Variants in CBL observed in about 807,000 individuals in gnomAD.
CBL encodes E3 ubiquitin-protein ligase CBL.
CBL carries 45 observed loss-of-function variants against 96.9 expected under a neutral mutation model. The observed-to-expected ratio is 0.46, with a 90% CI of 0.37 to 0.60. The LOEUF is 0.60. CBL is among the 20% of genes least tolerant of loss of function. The pLI is 0.00. For synonymous variants in CBL, 420 were observed against 426.8 expected, an observed-to-expected ratio of 0.98 and a Z score of 0.20; for missense variants, 1,024 against 1,143.5, an observed-to-expected ratio of 0.90 and a Z score of 1.51.
intron 1 of CBL, among the ~76,000 whole-genome samples, chr11:119,230,971 T>C (rs1949497634): frequency 6.6e-6 from 1 of 152,224 alleles, no homozygotes; most frequent in South Asian, 2.1e-4. Flanking sequence ...ACTTAAAACA[T>C]AACTCAGAAA....
At chr11:119,244,325 A>T (rs1203099621) in intron 2 of CBL, among the ~76,000 whole-genome samples, 1 of 152,196 alleles carries the variant, frequency 6.6e-6, no homozygotes, top group African/African-American at 2.4e-5. Context: ...TAATTATGAA[A>T]ACCTGATAAT....
rs185345524 is a variant in CBL at position 119,212,130 on chromosome 11, G to T, written c.195+5518G>T. Among the ~76,000 whole-genome samples, 219 of 151,830 alleles carry T rather than the reference G, an allele frequency of 1.4e-3. 4 individuals are homozygous for T. In the East Asian group the frequency reaches 0.042, roughly 29 times the overall value. On this transcript the variant is annotated intron_variant, in intron 1 of 15. Coordinates refer to ENST00000264033, the MANE Select transcript of CBL (RefSeq NM_005188.4). ...GATGGGGTTTCTCCATGTTGGGCAG[G>T]CTGGTCTCGAACTCCTGACCTCAGG... is the stretch of plus-strand genomic sequence containing the variant.
chr11:119,298,368 T>G lies in CBL; in HGVS notation c.2262T>G (p.Asn754Lys), dbSNP rs148139669. ...ITESSTFGEG[N>K]LAAAHANTGP... is the part of the protein sequence containing the mutation. ...CTCATTTTTCTCCAGGTGAAGGGAA[T>G]TTGGCCGCAGCCCATGCCAACACTG... The change falls in exon 15 of 16, where the codon AAT becomes AAG. Residue 754 changes from asparagine to lysine, a missense_variant. By Grantham distance (94) the Asn-to-Lys change is moderately conservative (BLOSUM62 0). Transcript: ENST00000264033. 93 of 1,613,996 alleles carry G rather than the reference T, an allele frequency of 5.8e-5. No homozygotes were observed. The highest frequency in any genetic ancestry group is 7.6e-5 in the Non-Finnish European group (90 of 1,179,974).
At chr11:119,265,556 G>A (rs1949795651) in intron 2 of CBL, among the ~76,000 whole-genome samples, 1 of 152,148 alleles carries the variant, frequency 6.6e-6, no homozygotes, top group African/African-American at 2.4e-5. Context: ...TTGGAGACCA[G>A]CCTGGGCAAT....
At chr11:119,299,445 A>T (rs780420226) in intron 15 of CBL, 50 bp from the exon 16 acceptor site, 1 of 1,530,726 alleles carries the variant, frequency 6.5e-7, no homozygotes, top group South Asian at 1.1e-5. Flanking sequence ...GCTGTTGTTA[A>T]ATGAGGATTT....
chr11:119,220,033 A>G (rs1949395776), intron 1 of CBL, among the ~76,000 whole-genome samples: 1 of 152,046 alleles, frequency 6.6e-6, no homozygotes. Flanking sequence ...TATTTTTAGT[A>G]GAGGCGGGGT....
At chr11:119,228,070 T>C (rs79927465) in intron 1 of CBL, among the ~76,000 whole-genome samples, 1 of 152,106 alleles carries the variant, frequency 6.6e-6, no homozygotes, top group Non-Finnish European at 1.5e-5. Flanking sequence ...TTTTTTTTTT[T>C]CCTATTCTAG....
intron 12 of CBL, 40 bp downstream of exon 12, chr11:119,287,986 T>TACTA (rs776089711): frequency 4.8e-5 from 67 of 1,398,016 alleles, no homozygotes; most frequent in Non-Finnish European, 2.0e-6. Context: ...GTGGAGTTGT[T>TACTA]ACTTGTAAAA....
At chr11:119,277,270 C>CACACACACACACACAT (rs993033451) in intron 6 of CBL, among the ~76,000 whole-genome samples, 3 of 151,578 alleles carry the variant, frequency 2.0e-5, no homozygotes, top group African/African-American at 7.3e-5. Context: ...CACACACACA[C>CACACACACACACACAT]ATAAAGAATT....
intron 2 of CBL, among the ~76,000 whole-genome samples, chr11:119,268,360 A>G (rs1949819285): frequency 6.6e-6 from 1 of 152,232 alleles, no homozygotes; most frequent in African/African-American, 2.4e-5. Flanking sequence ...CAACAAATTG[A>G]CTAGTCAGAT....
intron 1 of CBL, among the ~76,000 whole-genome samples, chr11:119,212,437 C>T (rs1417601657): frequency 2.0e-5 from 3 of 150,326 alleles, no homozygotes; most frequent in Non-Finnish European, 3.0e-5. Flanking sequence ...ACCAGCCTGA[C>T]CAACATGGAG....
At position 119,285,454 on chromosome 11, in the gene CBL, C is replaced by T; in HGVS notation, c.1829C>T (p.Thr610Ile). 1 of 1,614,186 alleles carries T rather than the reference C, an allele frequency of 6.2e-7. No homozygotes were observed. The highest frequency in any genetic ancestry group is 8.5e-7 in the Non-Finnish European group (1 of 1,180,032). ...GCCCCAAGTTCCAGTGATCCCTGGA[C>T]AGGAAGAGAATTAACCAACCGGCAC... ...VSAPSSSDPW[T>I]GRELTNRHSL... Residue 610 changes from threonine (T) to isoleucine (I), a missense_variant, in exon 11 of 16, where the codon ACA becomes ATA. This residue lies in a region of CBL where 695 missense variants were observed against 661.6 expected (regional missense o/e 1.05). Coordinates refer to ENST00000264033, the MANE Select transcript of CBL (RefSeq NM_005188.4).
At chr11:119,254,688 G>A (rs1156946985) in intron 2 of CBL, among the ~76,000 whole-genome samples, 1 of 151,658 alleles carries the variant, frequency 6.6e-6, no homozygotes. Flanking sequence ...GGCAGCCTCC[G>A]CCTCCCAGGT....
In CBL at chr11:119,300,767, A is replaced by C. The variant is rs886047776; in HGVS notation, c.*986A>C. The C allele has an allele frequency of 8.4e-5, 33 of 391,744 alleles. No homozygotes were observed. The highest frequency in any genetic ancestry group is 2.3e-5 in the Non-Finnish European group (5 of 221,962). The allele number at this position is 391,744 out of a possible 1,614,324, so 24.3% of individuals were successfully genotyped here. ...TGGTGCCAGGTATGTGTTCTGATGT[A>C]GGTCATGAGTCTTTCTACTTAATGG... On this transcript the variant is annotated 3_prime_UTR_variant, in exon 16 of 16. Coordinates refer to ENST00000264033, the MANE Select transcript of CBL (RefSeq NM_005188.4).
chr11:119,284,848 A>G (rs1357622496), intron 9 of CBL, 121 bp from the exon 10 acceptor site: 1 of 1,204,816 alleles, frequency 8.3e-7, no homozygotes, highest in Non-Finnish European at 1.2e-6. Context: ...CCTCAAACCT[A>G]GGTCTGGCCC....
chr11:119,209,191 G>A (rs1949297901), intron 1 of CBL, among the ~76,000 whole-genome samples: 2 of 152,236 alleles, frequency 1.3e-5, no homozygotes, highest in South Asian at 4.1e-4. Context: ...TGAGCATAAG[G>A]TGTCCTCTTT....
intron 2 of CBL, among the ~76,000 whole-genome samples, chr11:119,268,386 A>C (rs1949819417): frequency 1.3e-5 from 2 of 152,256 alleles, no homozygotes; most frequent in African/African-American, 4.8e-5. Context: ...GAACAAGGTA[A>C]ATGAAAGAAG....
intron 2 of CBL, among the ~76,000 whole-genome samples, chr11:119,259,219 A>G (rs184544115): frequency 1.3e-5 from 2 of 152,118 alleles, no homozygotes; most frequent in Non-Finnish European, 2.9e-5. Flanking sequence ...ATGTGATGAT[A>G]TTATTGGCAA....
intron 2 of CBL, among the ~76,000 whole-genome samples, chr11:119,254,861 C>G (rs1399463545): frequency 6.6e-6 from 1 of 152,138 alleles, no homozygotes; most frequent in Non-Finnish European, 1.5e-5. Flanking sequence ...CTCAGCCTCC[C>G]AAAGTGCTGG....
Sources: gnomAD v4.1 joint callset for allele counts (sites outside exome capture counted in the v4.1 genomes callset) on GRCh38, gnomAD v4.1.1 for gene constraint, gnomAD v4.1.1 regional missense constraint, MANE v1.5 for transcripts, NCBI Gene and HGNC (gene_info 2026-07-23, HGNC 2026-07-21) for gene names.